IGF2BP2: variants seen among roughly 807,000 people sequenced by gnomAD.
The protein encoded by IGF2BP2 is insulin like growth factor 2 mRNA binding protein 2.
Under a neutral mutation model 75.8 loss-of-function variants are expected in IGF2BP2, and 17 were observed. The ratio of observed to expected loss-of-function variants is 0.22; its 90% confidence interval spans 0.15 to 0.34. The LOEUF is 0.34. Ranked by LOEUF, IGF2BP2 falls within the 10% of genes least tolerant of loss-of-function variation. The probability of loss-of-function intolerance (pLI) is 1.00; values close to 1 mark genes in which losing one functional copy is unlikely to be tolerated. For missense variants in IGF2BP2, 516 were observed against 772.4 expected (o/e 0.67, Z 3.93); for synonymous variants, 288 against 295.6 (o/e 0.97, Z 0.26).
At position 185,689,108 on chromosome 3, in the gene IGF2BP2, AG is replaced by A. The variant is rs1422046174; in HGVS notation, c.677+246del. On this transcript the variant is annotated intron_variant, in intron 6 of 15. Transcript: ENST00000382199. ...CATCCATAAGCATTAGTTCGCTTAC[AG>A]GAACAGTCCTGGCTGTGAGGTTATC... 12 of 492,266 alleles carry A rather than the reference AG, an allele frequency of 2.4e-5. No homozygotes were observed. In the South Asian group the frequency reaches 2.5e-4, roughly 10 times the overall value. 30.5% of individuals were successfully genotyped at this position (492,266 alleles called of 1,614,324 possible). A position where few individuals can be genotyped will look rare whatever the true frequency, so the allele number is the denominator to read the frequency against.
chr3:185,692,758 G>A lies in IGF2BP2; in HGVS notation c.345C>T (p.Asn115=), dbSNP rs1422615023. ...YGTVENVEQV[N]TDTETAVVNV... ...TGACAACGGCGGTTTCTGTGTCTGT[G>A]TTGACTAGGGAAAAGGCAAAAACTA... The change falls in exon 5 of 16, where the codon AAC becomes AAT. Residue 115 remains asparagine (N), a synonymous_variant. Transcript: ENST00000382199. The A allele has an allele frequency of 1.9e-6, 3 of 1,613,812 alleles. No individual in the cohort carries two copies. The highest frequency in any genetic ancestry group is 2.2e-5 in the East Asian group (1 of 44,888).
At chr3:185,696,400 G>C in intron 4 of IGF2BP2, 1 of 548,990 alleles carries the variant, frequency 1.8e-6, no homozygotes, top group South Asian at 2.8e-5. Flanking sequence ...AATATTCCTC[G>C]AAAAGGCAAA....
In IGF2BP2 at chr3:185,647,184, T is replaced by G; in HGVS notation, c.1594-46A>C. 14 of 1,380,040 alleles carry G rather than the reference T, an allele frequency of 1.0e-5. No homozygotes were observed. Among genetic ancestry groups the G allele is most frequent in the Non-Finnish European group, 1.4e-5 (14 of 966,668 alleles). The allele number at this position is 1,380,040 out of a possible 1,614,324, so 85.5% of individuals were successfully genotyped here. On this transcript the variant is annotated intron_variant, in intron 14 of 15. Coordinates refer to ENST00000382199, the MANE Select transcript of IGF2BP2 (RefSeq NM_006548.6). This position sits in a 1 kb window ranked among gnomAD's most constrained non-coding sequence, Gnocchi z 4.9. ...ACGGGTTGGATAGGTTCCCTCCCCG[T>G]CAACGTGGTGGGCTCAGGACGGAGT...
intron 10 of IGF2BP2, among the ~76,000 whole-genome samples, chr3:185,664,470 C>G (rs1050718046): frequency 6.6e-6 from 1 of 152,178 alleles, no homozygotes; most frequent in Non-Finnish European, 1.5e-5. Context: ...AGAAGCCCAG[C>G]TGCACAAGAC....
chr3:185,726,047 A>G (rs1727282110), intron 2 of IGF2BP2, among the ~76,000 whole-genome samples: 1 of 152,194 alleles, frequency 6.6e-6, no homozygotes, highest in Non-Finnish European at 1.5e-5. Flanking sequence ...GGATGAGATC[A>G]CCTCTCAGAT....
intron 2 of IGF2BP2, among the ~76,000 whole-genome samples, chr3:185,727,600 A>AG (rs1727536583): frequency 6.6e-6 from 1 of 152,248 alleles, no homozygotes; most frequent in Non-Finnish European, 1.5e-5. Context: ...GAGAAGCAGT[A>AG]GCATCATAAT....
At chr3:185,771,307 G>A (rs934756192) in intron 2 of IGF2BP2, among the ~76,000 whole-genome samples, 2 of 151,984 alleles carry the variant, frequency 1.3e-5, no homozygotes, top group Non-Finnish European at 2.9e-5. Flanking sequence ...CAGGTGTGGT[G>A]GTGCACGCCT....
intron 2 of IGF2BP2, among the ~76,000 whole-genome samples, chr3:185,782,765 C>T (rs891341823): frequency 6.6e-6 from 1 of 152,140 alleles, no homozygotes; most frequent in African/African-American, 2.4e-5. Flanking sequence ...TCACAGGGTA[C>T]AAGGCTCTTA....
intron 2 of IGF2BP2, among the ~76,000 whole-genome samples, chr3:185,805,214 A>G (rs1738852492): frequency 6.6e-6 from 1 of 152,158 alleles, no homozygotes; most frequent in Admixed American, 6.5e-5. Context: ...CTGAAAATCC[A>G]GTAAACCAAA....
At chr3:185,786,298 G>A (rs1328608360) in intron 2 of IGF2BP2, among the ~76,000 whole-genome samples, 2 of 151,946 alleles carry the variant, frequency 1.3e-5, no homozygotes, top group African/African-American at 2.4e-5. Context: ...GAAAATGTTC[G>A]TAGAACCTGT....
At chr3:185,738,091 G>C (rs1729080878) in intron 2 of IGF2BP2, among the ~76,000 whole-genome samples, 1 of 152,156 alleles carries the variant, frequency 6.6e-6, no homozygotes, top group Admixed American at 6.5e-5. Context: ...CTAATGAATT[G>C]CTTTTAGAAT....
At chr3:185,684,999 T>C (rs1014045315) in intron 7 of IGF2BP2, among the ~76,000 whole-genome samples, 6 of 152,092 alleles carry the variant, frequency 3.9e-5, no homozygotes, top group African/African-American at 1.4e-4. Flanking sequence ...AGTTGTAAAT[T>C]AGTCTTTTTG....
intron 13 of IGF2BP2, 29 bp from the exon 14 acceptor site, chr3:185,649,563 C>T: frequency 6.2e-7 from 1 of 1,613,032 alleles, no homozygotes; most frequent in Non-Finnish European, 8.5e-7. Flanking sequence ...ACTAATGACT[C>T]TCAGTCAGCC....
chr3:185,749,194 T>C (rs1004983418), intron 2 of IGF2BP2, among the ~76,000 whole-genome samples: 69 of 152,028 alleles, frequency 4.5e-4, no homozygotes, highest in African/African-American at 1.7e-3. Context: ...AAAAAAAAAT[T>C]CTCTCTTTTC....
chr3:185,709,934 T>C (rs1167663894), intron 2 of IGF2BP2, among the ~76,000 whole-genome samples: 1 of 152,200 alleles, frequency 6.6e-6, no homozygotes, highest in Non-Finnish European at 1.5e-5. Flanking sequence ...ATCTCTAAGA[T>C]TAAACTAAAA....
chr3:185,735,166 G>C (rs1395963384), intron 2 of IGF2BP2, among the ~76,000 whole-genome samples: 1 of 135,530 alleles, frequency 7.4e-6, no homozygotes, highest in Non-Finnish European at 1.5e-5. Context: ...TTTTTTTTGA[G>C]ACCAAGTCTC....
chr3:185,823,215 T>C lies in IGF2BP2; in HGVS notation c.179-2A>G. ...TTTTCCCATGCAATTCCACTTTACC[T>C]TTAAAACAGAAATTAAAGCACTCAG... On this transcript the variant is annotated splice_acceptor_variant, in intron 1 of 15. Coordinates refer to ENST00000382199, the MANE Select transcript of IGF2BP2 (RefSeq NM_006548.6). LOFTEE classifies it high-confidence loss of function. The C allele has an allele frequency of 6.2e-7, 1 of 1,607,470 alleles. No homozygotes were observed. The highest frequency in any genetic ancestry group is 8.5e-7 in the Non-Finnish European group (1 of 1,175,954).
At chr3:185,776,811 C>T (rs1734591242) in intron 2 of IGF2BP2, among the ~76,000 whole-genome samples, 1 of 152,162 alleles carries the variant, frequency 6.6e-6, no homozygotes, top group African/African-American at 2.4e-5. Context: ...GTCTTGTCAA[C>T]AACAACTTTC....
intron 7 of IGF2BP2, among the ~76,000 whole-genome samples, chr3:185,676,981 T>G: frequency 7.3e-6 from 1 of 137,834 alleles, no homozygotes; most frequent in African/African-American, 2.7e-5. Flanking sequence ...GAGATACATA[T>G]ATATGGAGAT....
Sources: gnomAD v4.1 joint callset for allele counts (sites outside exome capture counted in the v4.1 genomes callset) on GRCh38, gnomAD v4.1.1 for gene constraint, Gnocchi (gnomAD v3.1) non-coding constraint, MANE v1.5 for transcripts, NCBI Gene and HGNC (gene_info 2026-07-23, HGNC 2026-07-21) for gene names.